SLC10A7: variants seen among roughly 807,000 people sequenced by gnomAD.
SLC10A7 encodes the protein solute carrier family 10 member 7.
In SLC10A7, 29 loss-of-function variants were observed where a neutral mutation model predicts 43.2. The ratio of observed to expected loss-of-function variants is 0.67; its 90% CI spans 0.50 to 0.92. SLC10A7 has a LOEUF of 0.92. Among genes scored for constraint, SLC10A7 ranks in the 40% least tolerant of loss-of-function variants. The pLI is 0.00. For missense variants in SLC10A7, 295 were observed against 403.2 expected, an observed-to-expected ratio of 0.73 and a Z score of 2.30; for synonymous variants, 152 against 144.8, an observed-to-expected ratio of 1.05 and a Z score of -0.35.
Position 146,463,270 on chromosome 4 carries a change from GA to G in SLC10A7, c.397-20450del, listed in dbSNP as rs1466046780. Reference sequence around the variant, plus strand: ...TATAGACTAACTTGCATTGGGAGGAGAAAAACAAAAGTTGTAAGGGGAGAAA... The same window carrying G: ...TATAGACTAACTTGCATTGGGAGGAGAAAACAAAAGTTGTAAGGGGAGAAA... On this transcript the variant is annotated intron_variant, in intron 4 of 11. Transcript: ENST00000335472. 2.0e-5 allele frequency among the ~76,000 whole-genome samples: 3 copies of G among 152,082 alleles called. No homozygotes were observed. In the East Asian group the frequency reaches 5.8e-4, roughly 29 times the overall value.
intron 5 of SLC10A7, among the ~76,000 whole-genome samples, chr4:146,355,638 G>C (rs1012918722): frequency 6.6e-5 from 10 of 151,914 alleles, no homozygotes; most frequent in South Asian, 4.2e-4. Flanking sequence ...TGGAACCAAC[G>C]CAAATGTCTA....
intron 9 of SLC10A7, among the ~76,000 whole-genome samples, chr4:146,286,762 G>A (rs1427815153): frequency 7.2e-5 from 11 of 152,098 alleles, no homozygotes; most frequent in Admixed American, 2.6e-4. Context: ...TTGGAGTGGT[G>A]AGAAGGACTG....
intron 6 of SLC10A7, among the ~76,000 whole-genome samples, chr4:146,306,538 T>C (rs1240841937): frequency 6.6e-6 from 1 of 152,208 alleles, no homozygotes; most frequent in East Asian, 1.9e-4. Context: ...AACTTATTTT[T>C]CAACTTAAAA....
Position 146,517,071 on chromosome 4 carries a change from T to C in SLC10A7, c.150A>G (p.Ile50Met). 6.2e-7 allele frequency: 1 copy of C among 1,611,070 alleles called. No individual in the cohort carries two copies. Among genetic ancestry groups the C allele is most frequent in the Non-Finnish European group, 8.5e-7 (1 of 1,177,890 alleles). The change falls in exon 2 of 12, where the codon ATA becomes ATG. Residue 50 changes from isoleucine (I) to methionine (M), a missense_variant. Transcript: ENST00000335472. ...ITVSYIAVAT[I>M]FFNSGLSLKT... Reference sequence around the variant, plus strand: ...TCAATGATAGTCCACTGTTAAAGAATATTGTTGCAACAGCAATGTAGGATA... The same window carrying C: ...TCAATGATAGTCCACTGTTAAAGAACATTGTTGCAACAGCAATGTAGGATA...
intron 5 of SLC10A7, among the ~76,000 whole-genome samples, chr4:146,372,364 G>C (rs1338606493): frequency 1.3e-5 from 2 of 151,204 alleles, no homozygotes; most frequent in African/African-American, 4.9e-5. Context: ...TGAGGTGGCA[G>C]GAACACTTGA....
intron 5 of SLC10A7, among the ~76,000 whole-genome samples, chr4:146,339,010 T>G (rs922435324): frequency 6.6e-6 from 1 of 151,822 alleles, no homozygotes; most frequent in Non-Finnish European, 1.5e-5. Flanking sequence ...AGGGGGATAG[T>G]ATGAAGTTCA....
At chr4:146,358,775 T>C (rs1735837266) in intron 5 of SLC10A7, among the ~76,000 whole-genome samples, 1 of 151,718 alleles carries the variant, frequency 6.6e-6, no homozygotes, top group Admixed American at 6.6e-5. Context: ...CTCCTGATGA[T>C]GGACATTTGA....
At chr4:146,333,716 T>C (rs1209569837) in intron 5 of SLC10A7, among the ~76,000 whole-genome samples, 2 of 152,042 alleles carry the variant, frequency 1.3e-5, no homozygotes, top group African/African-American at 2.4e-5. Flanking sequence ...GGTAAGGAGT[T>C]TGGGCTTCAC....
chr4:146,498,631 G>A (rs1260622291), intron 4 of SLC10A7, among the ~76,000 whole-genome samples: 3 of 152,174 alleles, frequency 2.0e-5, no homozygotes, highest in Non-Finnish European at 2.9e-5. Context: ...AGCTTAAAAT[G>A]TAAAAGCCAC....
intron 4 of SLC10A7, among the ~76,000 whole-genome samples, chr4:146,475,078 T>C (rs1237174011): frequency 6.6e-6 from 1 of 152,188 alleles, no homozygotes; most frequent in Non-Finnish European, 1.5e-5. Context: ...TAGTATTTTT[T>C]GACATTTCTG....
chr4:146,495,627 T>C (rs1480651242), intron 4 of SLC10A7, among the ~76,000 whole-genome samples: 1 of 152,180 alleles, frequency 6.6e-6, no homozygotes, highest in Non-Finnish European at 1.5e-5. Flanking sequence ...ATAGAAAACC[T>C]TTTTTAAATA....
At chr4:146,375,391 T>A (rs1045652084) in intron 5 of SLC10A7, among the ~76,000 whole-genome samples, 7 of 152,138 alleles carry the variant, frequency 4.6e-5, no homozygotes, top group African/African-American at 1.7e-4. Flanking sequence ...TTCCTTTGCC[T>A]GGAATGTTCT....
At chr4:146,267,034 T>C (rs960879711) in intron 10 of SLC10A7, among the ~76,000 whole-genome samples, 1 of 152,136 alleles carries the variant, frequency 6.6e-6, no homozygotes, top group African/African-American at 2.4e-5. Flanking sequence ...ACTCATTTAA[T>C]AGGGAGACAA....
At chr4:146,268,148 C>T (rs1333319478) in intron 10 of SLC10A7, among the ~76,000 whole-genome samples, 1 of 152,188 alleles carries the variant, frequency 6.6e-6, no homozygotes, top group African/African-American at 2.4e-5. Flanking sequence ...CTTCCTATTG[C>T]TCTCCTGCCT....
chr4:146,312,719 T>C (rs1732064500), intron 6 of SLC10A7, among the ~76,000 whole-genome samples: 1 of 152,176 alleles, frequency 6.6e-6, no homozygotes, highest in African/African-American at 2.4e-5. Flanking sequence ...CATAATGTCC[T>C]CCAGTTCATC....
intron 5 of SLC10A7, chr4:146,442,564 T>C: frequency 2.9e-6 from 4 of 1,380,496 alleles, no homozygotes; most frequent in Non-Finnish European, 3.7e-6. Flanking sequence ...ATTCATTAAA[T>C]GGAATTTTAA....
At chr4:146,475,942 A>G (rs1385324745) in intron 4 of SLC10A7, among the ~76,000 whole-genome samples, 1 of 152,188 alleles carries the variant, frequency 6.6e-6, no homozygotes, top group Admixed American at 6.5e-5. Context: ...ACACCCATGC[A>G]AGTACTAAAT....
chr4:146,386,941 C>A (rs1018329180), intron 5 of SLC10A7, among the ~76,000 whole-genome samples: 29 of 152,192 alleles, frequency 1.9e-4, no homozygotes, highest in African/African-American at 6.5e-4. Flanking sequence ...ATAGGAGATA[C>A]TCAATAAACA....
intron 2 of SLC10A7, among the ~76,000 whole-genome samples, chr4:146,513,649 T>G (rs1737679734): frequency 6.6e-6 from 1 of 152,240 alleles, no homozygotes; most frequent in Non-Finnish European, 1.5e-5. Flanking sequence ...CCAACCATGT[T>G]GGCTCATAAG....
Sources: gnomAD v4.1 joint callset for allele counts (sites outside exome capture counted in the v4.1 genomes callset) on GRCh38, gnomAD v4.1.1 for gene constraint, MANE v1.5 for transcripts, NCBI Gene and HGNC (gene_info 2026-07-23, HGNC 2026-07-21) for gene names.